The following DIAPH1 variants were observed in gnomAD, a reference collection of about 807,000 sequenced individuals.
DIAPH1 encodes the protein diaphanous related formin 1.
DIAPH1 carries 46 observed loss-of-function variants against 140.7 expected under a neutral mutation model. The observed-to-expected ratio is 0.33, with a 90% CI of 0.26 to 0.42. The LOEUF is 0.42. Among genes scored for constraint, DIAPH1 ranks in the 10% least tolerant of loss-of-function variants. The probability of loss-of-function intolerance (pLI) is 1.00; values close to 1 mark genes in which losing one functional copy is unlikely to be tolerated. For missense variants in DIAPH1, 1,310 were observed against 1,558.7 expected, an observed-to-expected ratio of 0.84 and a Z score of 2.69; for synonymous variants, 565 against 551.6, an observed-to-expected ratio of 1.02 and a Z score of -0.34.
intron 1 of DIAPH1, among the ~76,000 whole-genome samples, chr5:141,593,746 T>C (rs2099898858): frequency 1.3e-5 from 2 of 152,222 alleles, no homozygotes; most frequent in Admixed American, 1.3e-4. Context: ...TACCACTACA[T>C]ACCTACTAGA....
chr5:141,520,485 G>C (rs1047803607), intron 27 of DIAPH1, among the ~76,000 whole-genome samples: 7 of 152,080 alleles, frequency 4.6e-5, no homozygotes, highest in Admixed American at 3.3e-4. Context: ...AAAGAGCCTG[G>C]CATCTCTCTA....
chr5:141,589,808 C>T (rs929724993), intron 1 of DIAPH1, among the ~76,000 whole-genome samples: 6 of 152,094 alleles, frequency 3.9e-5, no homozygotes, highest in African/African-American at 1.4e-4. Context: ...TCCTGCCCCC[C>T]CAAAAAAGTC....
chr5:141,561,815 GTTC>G (rs2099893584), intron 18 of DIAPH1: 1 of 152,204 alleles, frequency 6.6e-6, no homozygotes, highest in African/African-American at 2.4e-5. Context: ...ATGGGCGAGA[GTTC>G]TAATACATGG....
rs561683818 is a variant in DIAPH1 at position 141,548,983 on chromosome 5, GT to G, written c.2483-14551del. 1.1e-3 allele frequency among the ~76,000 whole-genome samples: 162 copies of G among 152,198 alleles called. 2 individuals carry two copies. Among genetic ancestry groups the G allele is most frequent in the African/African-American group, 3.8e-3 (156 of 41,534 alleles). On this transcript the variant is annotated intron_variant, in intron 18 of 27. Transcript: ENST00000389054. ...GACAGGGGAAATGTGAAATAATACA[GT>G]TCTAAATTAATCCGTAAGAGGGCAA...
Position 141,530,758 on chromosome 5 carries a change from G to C in DIAPH1, c.2582-1061C>G, listed in dbSNP as rs779284991. ...TAAAAATAAAGCACTAGGGCTCTTG[G>C]TTAGAGCCAGACTAGAAAAGACTCA... On this transcript the variant is annotated intron_variant, in intron 19 of 27. Transcript: ENST00000389054. Among the ~76,000 whole-genome samples the C allele has an allele frequency of 5.1e-4, 78 of 152,104 alleles. 1 individual carries two copies. The highest frequency in any genetic ancestry group is 9.6e-4 in the Non-Finnish European group (65 of 68,020).
At chr5:141,551,188 G>A (rs1024957904) in intron 18 of DIAPH1, among the ~76,000 whole-genome samples, 2 of 152,320 alleles carry the variant, frequency 1.3e-5, no homozygotes, top group African/African-American at 2.4e-5. Context: ...AGTGGCTTAT[G>A]CCTATAATCC....
chr5:141,560,459 TATTA>T (rs1436813019), intron 18 of DIAPH1, among the ~76,000 whole-genome samples: 8 of 152,226 alleles, frequency 5.3e-5, no homozygotes, highest in East Asian at 1.9e-4. Context: ...GCAAAGGACA[TATTA>T]ATTCTCTTTT....
chr5:141,592,200 TAGTCCA>T (rs2099898600), intron 1 of DIAPH1, among the ~76,000 whole-genome samples: 1 of 151,946 alleles, frequency 6.6e-6, no homozygotes, highest in South Asian at 2.1e-4. Context: ...TTTCCTGAGC[TAGTCCA>T]ACAGAGGGCA....
intron 18 of DIAPH1, among the ~76,000 whole-genome samples, chr5:141,556,596 G>A (rs532085316): frequency 7.4e-4 from 113 of 152,346 alleles, no homozygotes; most frequent in African/African-American, 2.6e-3. Context: ...AATAGCCTCT[G>A]TGGGAAATCC....
chr5:141,610,084 C>T (rs887368021), intron 1 of DIAPH1, among the ~76,000 whole-genome samples: 8 of 152,108 alleles, frequency 5.3e-5, no homozygotes, highest in East Asian at 3.9e-4. Flanking sequence ...GATCACTTGA[C>T]GCTAGGAGTT....
chr5:141,532,845 T>C (rs1596342651), intron 19 of DIAPH1, among the ~76,000 whole-genome samples: 1 of 152,256 alleles, frequency 6.6e-6, no homozygotes, highest in South Asian at 2.1e-4. Context: ...CATAATGTAC[T>C]ACACCATTGT....
In DIAPH1 at chr5:141,572,638, A is replaced by G. The variant is rs147436532; in HGVS notation, c.2359-598T>C. Among the ~76,000 whole-genome samples, 1,302 of 152,196 alleles carry G rather than the reference A, an allele frequency of 8.6e-3. 14 individuals are homozygous for G. The highest frequency in any genetic ancestry group is 0.03 in the African/African-American group (1,228 of 41,518). On this transcript the variant is annotated intron_variant, in intron 16 of 27. Coordinates refer to ENST00000389054, the MANE Select transcript of DIAPH1 (RefSeq NM_005219.5). ...AACATGGTGAAACCCCATCTCTACTAAAAATACAAAAATTAGCCAGGCATG... is the reference window on the plus strand; with the variant it reads ...AACATGGTGAAACCCCATCTCTACTGAAAATACAAAAATTAGCCAGGCATG...
In DIAPH1 at chr5:141,578,641, T is replaced by G. The variant is rs751434760; in HGVS notation, c.934-16A>C. The G allele has an allele frequency of 3.1e-6, 5 of 1,592,804 alleles. No individual in the cohort carries two copies. In the African/African-American group the frequency reaches 6.7e-5, roughly 21 times the overall value. On this transcript the variant is annotated splice_polypyrimidine_tract_variant and intron_variant, in intron 9 of 27. Transcript: ENST00000389054. The stretch of plus-strand genomic sequence containing the variant: ...GGCATCCAACCTAAAATAAGAAAAT[T>G]CAGCAGCTATGTCAATGCTAACTCC...
chr5:141,606,145 G>A (rs1293997262), intron 1 of DIAPH1, among the ~76,000 whole-genome samples: 1 of 152,056 alleles, frequency 6.6e-6, no homozygotes, highest in Non-Finnish European at 1.5e-5. Flanking sequence ...AGCTCTGGGT[G>A]GGAGTATATG....
intron 18 of DIAPH1, among the ~76,000 whole-genome samples, chr5:141,549,805 TCAA>T (rs1340339893): frequency 6.6e-6 from 1 of 152,042 alleles, no homozygotes; most frequent in Admixed American, 6.6e-5. Flanking sequence ...TGGAATGAAA[TCAA>T]CACATCACAT....
chr5:141,559,420 A>G (rs925177782), intron 18 of DIAPH1, among the ~76,000 whole-genome samples: 2 of 152,214 alleles, frequency 1.3e-5, no homozygotes, highest in South Asian at 2.1e-4. Context: ...ACCATTACAG[A>G]TGTGCAAGCT....
chr5:141,579,179 T>G lies in DIAPH1; in HGVS notation c.842A>C (p.Glu281Ala). The G allele has an allele frequency of 6.2e-7, 1 of 1,614,042 alleles. No individual in the cohort carries two copies. Among genetic ancestry groups the G allele is most frequent in the African/African-American group, 1.3e-5 (1 of 75,046 alleles). ...CATCTCAGCTCTTTCTGTCATTGCC[T>G]CCAAAACCCTTTCATTCCTGCCCAA... ...QPEDMNERVLEAMTERAEMDE... is the reference protein window; with the variant it reads ...QPEDMNERVLAAMTERAEMDE... Residue 281 changes from glutamate (E) to alanine (A), a missense_variant, in exon 9 of 28, where the codon GAG becomes GCG. Glu to Ala is a moderately radical substitution (Grantham distance 107, BLOSUM62 -1). Coordinates refer to ENST00000389054, the MANE Select transcript of DIAPH1 (RefSeq NM_005219.5).
At chr5:141,552,623 G>A (rs1051842474) in intron 18 of DIAPH1, among the ~76,000 whole-genome samples, 7 of 152,028 alleles carry the variant, frequency 4.6e-5, no homozygotes, top group African/African-American at 7.3e-5. Flanking sequence ...AAGATAATAC[G>A]TTTGCATTGT....
At chr5:141,582,411 A>G in intron 6 of DIAPH1, 36 bp from the exon 7 acceptor site, 1 of 1,444,456 alleles carries the variant, frequency 6.9e-7, no homozygotes, top group Non-Finnish European at 9.8e-7. Context: ...AGGTCCCTTT[A>G]TTCTCTACCC....
Sources: allele counts gnomAD v4.1 joint callset (sites outside exome capture counted in the v4.1 genomes callset), GRCh38; gene constraint gnomAD v4.1.1; transcripts MANE v1.5; gene names NCBI Gene and HGNC (gene_info 2026-07-23, HGNC 2026-07-21).